Variants in SEPTIN4 observed in about 807,000 individuals in gnomAD.
SEPTIN4 encodes the protein septin-4.
A neutral mutation model predicts 107.1 loss-of-function variants in SEPTIN4; 52 were observed. The ratio of observed to expected loss-of-function variants is 0.49; its 90% CI spans 0.39 to 0.61. The LOEUF (loss-of-function observed/expected upper bound fraction) is 0.61, where lower values mean the gene tolerates loss of function less well. Ranked by LOEUF, SEPTIN4 falls within the 20% of genes least tolerant of loss-of-function variation. The probability of loss-of-function intolerance (pLI) is 0.00; values close to 1 mark genes in which losing one functional copy is unlikely to be tolerated. For missense variants in SEPTIN4, 1,048 were observed against 1,243.5 expected, an observed-to-expected ratio of 0.84 and a Z score of 2.36; for synonymous variants, 417 against 467.0, an observed-to-expected ratio of 0.89 and a Z score of 1.38.
At chr17:58,522,754 C>T (rs771326742) in intron 7 of SEPTIN4, among the ~76,000 whole-genome samples, 3 of 152,040 alleles carry the variant, frequency 2.0e-5, no homozygotes, top group Non-Finnish European at 2.9e-5. Flanking sequence ...AGTCAGGTTT[C>T]CAGTGTAACC....
chr17:58,525,861 AG>A, intron 5 of SEPTIN4, 80 bp from the exon 6 acceptor site: 2 of 1,200,112 alleles, frequency 1.7e-6, no homozygotes, highest in Non-Finnish European at 2.4e-6. Context: ...ATCAAGGTTT[AG>A]GGGGGACTGC....
rs909874403 is a variant in SEPTIN4 at position 58,526,989 on chromosome 17, C to T, written c.1615-11G>A. On this transcript the variant is annotated splice_polypyrimidine_tract_variant and intron_variant, in intron 3 of 13. Transcript: ENST00000672673. ...CAGGAAACGCTTGATCTGGGGGAAGCGGGGTGGGTAGAATAGATGGGTGGT... is the reference window on the plus strand; with the variant it reads ...CAGGAAACGCTTGATCTGGGGGAAGTGGGGTGGGTAGAATAGATGGGTGGT... 6.8e-6 allele frequency: 11 copies of T among 1,613,202 alleles called. No homozygotes were observed. Among genetic ancestry groups the T allele is most frequent in the East Asian group, 4.5e-5 (2 of 44,846 alleles).
rs766009538 is a variant in SEPTIN4, at chr17:58,542,954, C to T, written c.1233G>A (p.Arg411=). 1.9e-5 allele frequency: 30 copies of T among 1,613,998 alleles called. No homozygotes were observed. Among genetic ancestry groups the T allele is most frequent in the Non-Finnish European group, 2.4e-5 (28 of 1,180,012 alleles). The part of the protein sequence containing the change: ...SIHAELELTP[R]PLPPRSLPRY... Reference sequence around the variant, plus strand: ...TAGGTAAGGACCGAGGAGGCAAGGGCCTAGGGGTCAGTTCCAGTTCTGCAT... The same window carrying T: ...TAGGTAAGGACCGAGGAGGCAAGGGTCTAGGGGTCAGTTCCAGTTCTGCAT... Residue 411 remains arginine, a synonymous_variant, in exon 1 of 14, where the codon AGG becomes AGA. Coordinates refer to ENST00000672673, the MANE Select transcript of SEPTIN4 (RefSeq NM_001368771.2).
At chr17:58,533,154 T>C (rs1308632893) in intron 3 of SEPTIN4, among the ~76,000 whole-genome samples, 1 of 152,172 alleles carries the variant, frequency 6.6e-6, no homozygotes, top group East Asian at 1.9e-4. Flanking sequence ...CAGTCAGAAC[T>C]CAGCCAGGGG....
intron 12 of SEPTIN4, 64 bp from the exon 13 acceptor site, chr17:58,520,906 G>A: frequency 6.2e-7 from 1 of 1,612,196 alleles, no homozygotes; most frequent in Non-Finnish European, 8.5e-7. Flanking sequence ...TTGAGCCCAG[G>A]GCCTATAGAA....
rs1295761581 is a variant in SEPTIN4 at position 58,521,335 on chromosome 17, C to T, written c.2587G>A (p.Ala863Thr). Residue 863 changes from alanine to threonine, a missense_variant, in exon 11 of 14, where the codon GCA (alanine) becomes ACA (threonine). By Grantham distance (58) the Ala-to-Thr change is moderately conservative. This residue lies in a region of SEPTIN4 where 261 missense variants were observed against 371.7 expected (regional missense o/e 0.70). Coordinates refer to ENST00000672673, the MANE Select transcript of SEPTIN4 (RefSeq NM_001368771.2). This position sits in a 1 kb window ranked among gnomAD's most constrained non-coding sequence, Gnocchi z 6.4. ...DQALKESIPFAVIGSNTVVEA... is the reference protein window; with the variant it reads ...DQALKESIPFTVIGSNTVVEA... Reference sequence around the variant, plus strand: ...ACTACAGTGTTGCTGCCAATTACTGCAAATGGGATGCTTTCCTGGAAGAGG... The same window carrying T: ...ACTACAGTGTTGCTGCCAATTACTGTAAATGGGATGCTTTCCTGGAAGAGG... 6.2e-7 allele frequency: 1 copy of T among 1,614,176 alleles called. No individual in the cohort carries two copies. Among genetic ancestry groups the T allele is most frequent in the Non-Finnish European group, 8.5e-7 (1 of 1,180,030 alleles).
rs191526209 is a variant in SEPTIN4 at position 58,526,992 on chromosome 17, G to C, written c.1615-14C>G. 4.6e-5 allele frequency: 74 copies of C among 1,613,934 alleles called. 1 individual carries two copies. Among genetic ancestry groups the C allele is most frequent in the Admixed American group, 2.3e-4 (14 of 60,002 alleles). On this transcript the variant is annotated splice_polypyrimidine_tract_variant and intron_variant, in intron 3 of 13. Coordinates refer to ENST00000672673, the MANE Select transcript of SEPTIN4 (RefSeq NM_001368771.2). ...GAAACGCTTGATCTGGGGGAAGCGG[G>C]GTGGGTAGAATAGATGGGTGGTGCC...
chr17:58,532,744 A>T (rs913242955), intron 3 of SEPTIN4, among the ~76,000 whole-genome samples: 8 of 152,166 alleles, frequency 5.3e-5, no homozygotes, highest in African/African-American at 1.4e-4. Context: ...GGAGAGGCCA[A>T]CCCAGGCGTG....
At position 58,535,933 on chromosome 17, in the gene SEPTIN4, C is replaced by T. The variant is rs1193801016; in HGVS notation, c.1614+4733G>A. Among the ~76,000 whole-genome samples, 9 of 152,268 alleles carry T rather than the reference C, an allele frequency of 5.9e-5. No homozygotes were observed. The South Asian group carries it at 1.0e-3, about 18-fold the overall frequency. ...CCTTGAGGCTCTGCGCTTCATTGACCCTTCACTTGCCCTTCATCCTGGCTG... is the reference window on the plus strand; with the variant it reads ...CCTTGAGGCTCTGCGCTTCATTGACTCTTCACTTGCCCTTCATCCTGGCTG... On this transcript the variant is annotated intron_variant, in intron 3 of 13. Transcript: ENST00000672673.
chr17:58,524,193 G>A (rs1176304462), intron 7 of SEPTIN4, among the ~76,000 whole-genome samples: 1 of 152,066 alleles, frequency 6.6e-6, no homozygotes, highest in African/African-American at 2.4e-5. Flanking sequence ...ACTTAGGTCT[G>A]ACCATTACCT....
Position 58,524,236 on chromosome 17 carries a change from T to C in SEPTIN4, c.2216+842A>G, listed in dbSNP as rs569183179. Among the ~76,000 whole-genome samples the C allele has an allele frequency of 5.5e-4, 84 of 152,242 alleles. 2 individuals are homozygous for C. The highest frequency in any genetic ancestry group is 9.6e-4 in the Non-Finnish European group (65 of 68,006). ...AGGTAACGGTCAGACCTACTGACCA[T>C]TAGCTGGAGGGGGGTCCCTCCAGTG... On this transcript the variant is annotated intron_variant, in intron 7 of 13. Coordinates refer to ENST00000672673, the MANE Select transcript of SEPTIN4 (RefSeq NM_001368771.2).
At chr17:58,529,496 T>C in intron 3 of SEPTIN4, 38 of 1,191,262 alleles carry the variant, frequency 3.2e-5, no homozygotes, top group Non-Finnish European at 4.1e-5. Flanking sequence ...GCCTGCTGCC[T>C]ACCCTGGTGG....
Position 58,521,616 on chromosome 17 carries a change from T to C in SEPTIN4, c.2500A>G (p.Lys834Glu), listed in dbSNP as rs751239093. 6.2e-6 allele frequency: 10 copies of C among 1,614,224 alleles called. No homozygotes were observed. The South Asian group carries it at 1.1e-4, about 18-fold the overall frequency. Reference protein sequence around the residue: ...IREEIEHFGIKIYQFPDCDSD... With the variant: ...IREEIEHFGIEIYQFPDCDSD... ...TCACAGTCTGGGAATTGATAGATCT[T>C]GATTCCAAAATGCTCAATCTCCTCC... Residue 834 changes from lysine to glutamate, a missense_variant, in exon 10 of 14, where the codon AAG becomes GAG. Lys to Glu is a moderately conservative substitution (Grantham distance 56, BLOSUM62 1). Transcript: ENST00000672673. This position sits in a 1 kb window ranked among gnomAD's most constrained non-coding sequence, Gnocchi z 6.4.
intron 12 of SEPTIN4, 60 bp downstream of exon 12, chr17:58,520,938 T>G: frequency 1.9e-6 from 3 of 1,611,962 alleles, no homozygotes; most frequent in Non-Finnish European, 2.5e-6. Context: ...GGGCTTGGTC[T>G]CACCCAAGGC....
intron 3 of SEPTIN4, among the ~76,000 whole-genome samples, chr17:58,528,928 C>T (rs907042508): frequency 6.6e-6 from 1 of 152,202 alleles, no homozygotes; most frequent in Non-Finnish European, 1.5e-5. Flanking sequence ...GGCTGCTCAT[C>T]CGCATGGAGG....
chr17:58,524,140 C>T (rs1841805812), intron 7 of SEPTIN4, among the ~76,000 whole-genome samples: 1 of 152,206 alleles, frequency 6.6e-6, no homozygotes, highest in Admixed American at 6.5e-5. Context: ...AAGCTACCAC[C>T]TTTTCTCCTG....
intron 13 of SEPTIN4, 44 bp downstream of exon 13, chr17:58,520,699 G>T (rs1193699526): frequency 6.2e-7 from 1 of 1,608,156 alleles, no homozygotes; most frequent in East Asian, 2.2e-5. Flanking sequence ...ACCAACGTTG[G>T]TGATCAAACA....
Position 58,543,509 on chromosome 17 carries a change from C to G in SEPTIN4, c.678G>C (p.Glu226Asp). The G allele has an allele frequency of 6.2e-7, 1 of 1,614,190 alleles. No individual in the cohort carries two copies. Residue 226 changes from glutamate (E) to aspartate (D), a missense_variant, in exon 1 of 14, where the codon GAG becomes GAC. Transcript: ENST00000672673. ...CTGCAGAGACACAGCTGCTTCCGTG[C>G]TCTAGGAGAGAGGGACTCCTTGGAG... ...IRSPRSPSLL[E>D]HGSSCVSADY...
chr17:58,520,624 T>C, intron 13 of SEPTIN4, 119 bp downstream of exon 13: 1 of 1,501,860 alleles, frequency 6.7e-7, no homozygotes, highest in Non-Finnish European at 9.2e-7. Context: ...GAACCACCTA[T>C]TGACCTATCC....
Sources: allele counts gnomAD v4.1 joint callset (sites outside exome capture counted in the v4.1 genomes callset), GRCh38; gene constraint gnomAD v4.1.1; regional missense constraint gnomAD v4.1.1; non-coding constraint Gnocchi (gnomAD v3.1); transcripts MANE v1.5; gene names NCBI Gene and HGNC (gene_info 2026-07-23, HGNC 2026-07-21).